The following EFR3A variants were observed in gnomAD, a reference collection of about 807,000 sequenced individuals.
The protein encoded by EFR3A is EFR3 homolog A, also known as protein EFR3 homolog A.
EFR3A carries 76 observed loss-of-function variants against 104.4 expected under a neutral mutation model. The ratio of observed to expected loss-of-function variants is 0.73; its 90% confidence interval spans 0.60 to 0.88. The LOEUF is 0.88. EFR3A is among the 40% of genes least tolerant of loss of function. The probability of loss-of-function intolerance (pLI) is 0.00; values close to 1 mark genes in which losing one functional copy is unlikely to be tolerated. For synonymous variants in EFR3A, 330 were observed against 330.0 expected (o/e 1.00, Z 0.00); for missense variants, 985 against 1,012.5 (o/e 0.97, Z 0.37).
chr8:131,940,477 T>C, intron 1 of EFR3A, 22 bp from the exon 2 acceptor site: 1 of 1,531,322 alleles, frequency 6.5e-7, no homozygotes, highest in South Asian at 1.2e-5. Context: ...TCTGTATTTC[T>C]TGATTTTTTT....
chr8:131,991,406 A>G (rs894277362), intron 18 of EFR3A, among the ~76,000 whole-genome samples: 4 of 152,112 alleles, frequency 2.6e-5, no homozygotes, highest in Non-Finnish European at 5.9e-5. Flanking sequence ...GAAACTCTCT[A>G]TAAGTAGTTT....
At chr8:131,949,948 T>C (rs746294665) in intron 4 of EFR3A, 21 bp from the exon 5 acceptor site, 2 of 1,565,136 alleles carry the variant, frequency 1.3e-6, no homozygotes, top group East Asian at 4.6e-5. Context: ...TGAAGTATAT[T>C]ATATTATTTG....
At chr8:131,910,247 A>G (rs1011006952) in intron 1 of EFR3A, among the ~76,000 whole-genome samples, 1 of 152,160 alleles carries the variant, frequency 6.6e-6, no homozygotes, top group African/African-American at 2.4e-5. Flanking sequence ...GGAATGGGGA[A>G]CTTGAAGCAA....
intron 8 of EFR3A, among the ~76,000 whole-genome samples, chr8:131,966,327 A>G (rs1376847921): frequency 1.3e-5 from 2 of 152,074 alleles, no homozygotes; most frequent in East Asian, 3.8e-4. Flanking sequence ...CGGTGAACCT[A>G]CCTCCTAGAA....
intron 12 of EFR3A, 108 bp from the exon 13 acceptor site, chr8:131,978,739 C>T: frequency 1.2e-6 from 1 of 853,138 alleles, no homozygotes; most frequent in Non-Finnish European, 1.7e-6. Flanking sequence ...CTCCAGGCTT[C>T]TGTCCATATT....
intron 2 of EFR3A, among the ~76,000 whole-genome samples, chr8:131,940,914 C>T (rs1046018147): frequency 3.3e-5 from 5 of 151,880 alleles, no homozygotes; most frequent in Non-Finnish European, 5.9e-5. Context: ...CTCATGATAC[C>T]ACTGTGAACA....
At chr8:132,006,166 A>G (rs1373021960) in intron 22 of EFR3A, among the ~76,000 whole-genome samples, 1 of 152,142 alleles carries the variant, frequency 6.6e-6, no homozygotes, top group African/African-American at 2.4e-5. Context: ...TGAATTAATG[A>G]CTTTTGGTGA....
Position 131,985,632 on chromosome 8 carries a change from T to G in EFR3A, c.1870-562T>G, listed in dbSNP as rs77172493. The stretch of plus-strand genomic sequence containing the variant: ...TTTTCTTAAATTGGAAGCACATCAT[T>G]TAGTCCTTGCTAAAATGTAGACTTG... On this transcript the variant is annotated intron_variant, in intron 16 of 22. Transcript: ENST00000254624. Among the ~76,000 whole-genome samples the G allele has an allele frequency of 7.3e-3, 1,107 of 152,338 alleles. 11 individuals carry two copies. The highest frequency in any genetic ancestry group is 0.025 in the African/African-American group (1,037 of 41,576).
intron 1 of EFR3A, among the ~76,000 whole-genome samples, chr8:131,920,684 AT>A (rs549862328): frequency 1.1e-3 from 161 of 141,504 alleles, no homozygotes; most frequent in African/African-American, 1.1e-3. Context: ...GACAGTTCAG[AT>A]TTTTTTTTTT....
chr8:131,988,499 T>C (rs1053095691), intron 18 of EFR3A, among the ~76,000 whole-genome samples: 96 of 152,084 alleles, frequency 6.3e-4, no homozygotes, highest in Admixed American at 2.9e-3. Context: ...ACAGTAATAG[T>C]TGTTCATAAC....
rs543620505 is a variant in EFR3A at position 132,005,820 on chromosome 8, T to C, written c.2360+2535T>C. On this transcript the variant is annotated intron_variant, in intron 22 of 22. Coordinates refer to ENST00000254624, the MANE Select transcript of EFR3A (RefSeq NM_015137.6). ...AGGCAAATACAGAATATAGATTCTTTTGAAGTGCACATACAACATTCACAA... is the reference window on the plus strand; with the variant it reads ...AGGCAAATACAGAATATAGATTCTTCTGAAGTGCACATACAACATTCACAA... 6.6e-5 allele frequency among the ~76,000 whole-genome samples: 10 copies of C among 152,298 alleles called. No individual in the cohort carries two copies. In the South Asian group the frequency reaches 1.7e-3, roughly 25 times the overall value.
At chr8:131,980,057 A>G (rs977796162) in intron 14 of EFR3A, among the ~76,000 whole-genome samples, 1 of 152,134 alleles carries the variant, frequency 6.6e-6, no homozygotes, top group Non-Finnish European at 1.5e-5. Context: ...CACTGAGTCA[A>G]TATTAAGAGA....
At chr8:131,997,846 T>G (rs1190265176) in intron 19 of EFR3A, among the ~76,000 whole-genome samples, 1 of 152,046 alleles carries the variant, frequency 6.6e-6, no homozygotes, top group Non-Finnish European at 1.5e-5. Flanking sequence ...CTTTCAAAAA[T>G]ATATAGAGAA....
At chr8:131,986,138 CA>C in intron 16 of EFR3A, 55 bp from the exon 17 acceptor site, 4 of 792,088 alleles carry the variant, frequency 5.0e-6, no homozygotes, top group Non-Finnish European at 8.1e-6. Context: ...ATTTTTATAG[CA>C]AGGTACTGAG....
intron 3 of EFR3A, among the ~76,000 whole-genome samples, chr8:131,946,113 T>C (rs1241332696): frequency 6.6e-6 from 1 of 152,046 alleles, no homozygotes; most frequent in African/African-American, 2.4e-5. Context: ...AAGTAGATTA[T>C]ATTGGAAATT....
At chr8:131,908,708 C>T (rs1468679975) in intron 1 of EFR3A, among the ~76,000 whole-genome samples, 2 of 152,054 alleles carry the variant, frequency 1.3e-5, no homozygotes, top group African/African-American at 4.8e-5. Flanking sequence ...TTTTTTCATA[C>T]TATAGTGCTC....
At position 131,931,071 on chromosome 8, in the gene EFR3A, G is replaced by A. The variant is rs189031431; in HGVS notation, c.11-9428G>A. 1.1e-3 allele frequency among the ~76,000 whole-genome samples: 173 copies of A among 152,194 alleles called. 1 individual carries two copies. The highest frequency in any genetic ancestry group is 4.1e-3 in the African/African-American group (170 of 41,552). ...GAACGTGGGTGTGCATGAGGGCCATGGTGGGAGGGGGAGGCTTATTTTTAG... is the reference window on the plus strand; with the variant it reads ...GAACGTGGGTGTGCATGAGGGCCATAGTGGGAGGGGGAGGCTTATTTTTAG... On this transcript the variant is annotated intron_variant, in intron 1 of 22. Coordinates refer to ENST00000254624, the MANE Select transcript of EFR3A (RefSeq NM_015137.6).
intron 18 of EFR3A, among the ~76,000 whole-genome samples, chr8:131,989,898 G>A (rs1464999457): frequency 2.6e-5 from 4 of 152,306 alleles, no homozygotes; most frequent in Middle Eastern, 6.8e-3. Context: ...AATGTTAGCT[G>A]ATTATTGTAT....
At chr8:131,942,502 C>T (rs1029193853) in intron 2 of EFR3A, among the ~76,000 whole-genome samples, 1 of 152,056 alleles carries the variant, frequency 6.6e-6, no homozygotes, top group African/African-American at 2.4e-5. Context: ...GTTTTGTCAT[C>T]ATGTAATGGA....
Sources: gnomAD v4.1 joint callset for allele counts (sites outside exome capture counted in the v4.1 genomes callset) on GRCh38, gnomAD v4.1.1 for gene constraint, MANE v1.5 for transcripts, NCBI Gene and HGNC (gene_info 2026-07-23, HGNC 2026-07-21) for gene names.